Variants in APOL3 observed in about 807,000 individuals in gnomAD.
The protein encoded by APOL3 is TNF-inducible protein CG12-1.
In APOL3, 14 loss-of-function variants were observed where a neutral mutation model predicts 11.6. The ratio of observed to expected loss-of-function variants is 1.21; its 90% CI spans 0.80 to 1.89. APOL3 has a LOEUF of 1.89. APOL3 is among the 40% of genes most tolerant of loss of function. The probability of loss-of-function intolerance (pLI) is 0.00; values close to 1 mark genes in which losing one functional copy is unlikely to be tolerated. For synonymous variants in APOL3, 192 were observed against 190.6 expected, an observed-to-expected ratio of 1.01 and a Z score of -0.06; for missense variants, 483 against 492.1, an observed-to-expected ratio of 0.98 and a Z score of 0.17.
upstream of APOL3, among the ~76,000 whole-genome samples, chr22:36,161,145 G>A (rs1239114411): frequency 2.0e-5 from 3 of 152,128 alleles, no homozygotes; most frequent in African/African-American, 4.8e-5. Flanking sequence ...CACACATGCC[G>A]GGTGGACGCT....
At chr22:36,145,980 T>TTCTCTCTCTCTCTCTC (rs71193207) in intron 1 of APOL3, among the ~76,000 whole-genome samples, 7,960 of 116,894 alleles carry the variant, frequency 0.068, 353 homozygotes, top group East Asian at 0.16. Flanking sequence ...CTGTCTCTCT[T>TTCTCTCTCTCTCTCTC]TCTCTCTCTC....
chr22:36,150,534 A>C (rs1477695387), intron 1 of APOL3, among the ~76,000 whole-genome samples: 3 of 152,220 alleles, frequency 2.0e-5, no homozygotes, highest in Non-Finnish European at 4.4e-5. Context: ...AACCAGACGG[A>C]CTCAAGAACA....
At chr22:36,165,586 C>A (rs1296680119), upstream of APOL3, 1 of 152,182 alleles carries the variant, frequency 6.6e-6, no homozygotes, top group African/African-American at 2.4e-5. Context: ...AGCTTTCAAA[C>A]GATGCTCATT....
At chr22:36,141,679 A>G (rs775872063) in exon 3 of APOL3, 8 of 1,614,094 alleles carry the variant, frequency 5.0e-6, no homozygotes, top group Admixed American at 1.7e-5. Flanking sequence ...GATGATGTGT[A>G]TGAGTGCTCC....
chr22:36,146,202 T>A (rs1457631160), intron 1 of APOL3: 4 of 152,102 alleles, frequency 2.6e-5, no homozygotes, highest in African/African-American at 9.7e-5. Context: ...ACCCAGCCTG[T>A]GGCGTTTTAC....
chr22:36,163,020 A>G (rs16996443), upstream of APOL3, among the ~76,000 whole-genome samples: 4,776 of 152,340 alleles, frequency 0.031, 254 homozygotes, highest in African/African-American at 0.11. Context: ...CATGCCACCA[A>G]TAACTTTTAG....
At chr22:36,154,898 C>G (rs1000438566) in intron 1 of APOL3, among the ~76,000 whole-genome samples, 2 of 152,206 alleles carry the variant, frequency 1.3e-5, no homozygotes, top group Admixed American at 6.5e-5. Context: ...ACTTGCCCCC[C>G]ACTTTCTGCA....
At chr22:36,143,080 A>G (rs562178401) in intron 2 of APOL3, among the ~76,000 whole-genome samples, 22 of 151,784 alleles carry the variant, frequency 1.4e-4, no homozygotes, top group African/African-American at 5.3e-4. Context: ...GTTGGCTGTG[A>G]CTCCCCCTCT....
chr22:36,158,364 C>T (rs2013240572), intron 1 of APOL3, among the ~76,000 whole-genome samples: 2 of 152,186 alleles, frequency 1.3e-5, no homozygotes, highest in African/African-American at 4.8e-5. Flanking sequence ...CATGGCACAG[C>T]ACCCACTCCT....
At chr22:36,149,581 T>A (rs141851085) in intron 1 of APOL3, among the ~76,000 whole-genome samples, 192 of 152,314 alleles carry the variant, frequency 1.3e-3, no homozygotes, top group African/African-American at 4.4e-3. Context: ...CCTCATTCGA[T>A]GATCACACAC....
intron 1 of APOL3, chr22:36,154,349 G>A (rs568645158): frequency 1.4e-4 from 39 of 275,274 alleles, no homozygotes; most frequent in South Asian, 1.4e-3. Context: ...GGTCCAAGAT[G>A]AATCTGTGAA....
At chr22:36,142,844 TC>T (rs2060050049) in intron 2 of APOL3, among the ~76,000 whole-genome samples, 1 of 152,154 alleles carries the variant, frequency 6.6e-6, no homozygotes, top group Non-Finnish European at 1.5e-5. Flanking sequence ...TCCATGCCCA[TC>T]CCGTGCTTGC....
At chr22:36,149,965 C>A (rs778032854) in intron 1 of APOL3, 34 of 443,834 alleles carry the variant, frequency 7.7e-5, no homozygotes, top group Non-Finnish European at 1.4e-4. Flanking sequence ...TACCACCACG[C>A]TAGGCACATT....
intron 1 of APOL3, among the ~76,000 whole-genome samples, chr22:36,154,187 G>A (rs2012327484): frequency 6.6e-6 from 1 of 152,180 alleles, no homozygotes. Flanking sequence ...TTCCCTTCAT[G>A]GCCTGAACCA....
intron 1 of APOL3, among the ~76,000 whole-genome samples, chr22:36,151,985 T>C (rs1007799114): frequency 6.8e-6 from 1 of 146,200 alleles, no homozygotes; most frequent in African/African-American, 2.5e-5. Flanking sequence ...AGGAAGAATG[T>C]GAGTGTGTGT....
chr22:36,145,059 G>T (rs890232122), intron 2 of APOL3, among the ~76,000 whole-genome samples: 7 of 150,332 alleles, frequency 4.7e-5, no homozygotes, highest in East Asian at 1.9e-4. Flanking sequence ...AAACACTTTT[G>T]GTCCTGGTCT....
At chr22:36,144,630 G>T (rs1014291040) in intron 2 of APOL3, among the ~76,000 whole-genome samples, 1 of 152,044 alleles carries the variant, frequency 6.6e-6, no homozygotes, top group Admixed American at 6.5e-5. Context: ...AAAGGGCCCC[G>T]GACAGCATCT....
chr22:36,161,364 G>T (rs571375580), upstream of APOL3: 14 of 187,772 alleles, frequency 7.5e-5, no homozygotes, highest in South Asian at 4.1e-4. Context: ...TTTAAAAAAT[G>T]ATTTTGAAGG....
intron 1 of APOL3, chr22:36,154,471 A>G (rs2012399021): frequency 2.6e-6 from 1 of 385,246 alleles, no homozygotes; most frequent in African/African-American, 2.1e-5. Flanking sequence ...AGAATGTTTA[A>G]TTGTTAATTG....
Sources: allele counts gnomAD v4.1 joint callset (sites outside exome capture counted in the v4.1 genomes callset), GRCh38; gene constraint gnomAD v4.1.1; transcripts MANE v1.5; gene names NCBI Gene and HGNC (gene_info 2026-07-23, HGNC 2026-07-21).